The following RBM42 variants were observed in gnomAD, a reference collection of about 807,000 sequenced individuals.
RBM42 encodes the protein RNA-binding protein 42.
A neutral mutation model predicts 41.4 loss-of-function variants in RBM42; 21 were observed. That is an observed-to-expected ratio of 0.51 (90% CI 0.36 to 0.73). RBM42 has a LOEUF of 0.73. Among genes scored for constraint, RBM42 ranks in the 30% least tolerant of loss-of-function variants. RBM42 has a pLI of 0.00. For synonymous variants in RBM42, 272 were observed against 271.2 expected, an observed-to-expected ratio of 1.00 and a Z score of -0.03; for missense variants, 539 against 680.4, an observed-to-expected ratio of 0.79 and a Z score of 2.31.
At position 35,637,588 on chromosome 19, in the gene RBM42, G is replaced by C; in HGVS notation, c.*34G>C. ...GCCAGGCACCCGCTCCCACCTGGCC[G>C]GGCGCTGGCTCCTCCCTCAGTTCTC... On this transcript the variant is annotated 3_prime_UTR_variant, in exon 10 of 10. Transcript: ENST00000262633. This position sits in a 1 kb window ranked among gnomAD's most constrained non-coding sequence, Gnocchi z 7.0. The C allele has an allele frequency of 6.5e-7, 1 of 1,539,898 alleles. No individual in the cohort carries two copies. The highest frequency in any genetic ancestry group is 8.9e-7 in the Non-Finnish European group (1 of 1,117,592).
chr19:35,634,690 A>G (rs1473130351), intron 8 of RBM42, among the ~76,000 whole-genome samples: 10 of 139,800 alleles, frequency 7.2e-5, no homozygotes, highest in South Asian at 4.5e-4. Context: ...ACAGAGTACC[A>G]CTCTGTCGCC....
At chr19:35,635,100 A>C (rs1038629597) in intron 8 of RBM42, among the ~76,000 whole-genome samples, 2 of 151,854 alleles carry the variant, frequency 1.3e-5, no homozygotes, top group South Asian at 4.2e-4. Context: ...GGATCACTTG[A>C]GGTCAGGAGT....
In RBM42 at chr19:35,637,518, GA is replaced by G; in HGVS notation, c.1409del (p.Lys470SerfsTer10). The G allele has an allele frequency of 6.2e-7, 1 of 1,614,242 alleles. No individual in the cohort carries two copies. The highest frequency in any genetic ancestry group is 8.5e-7 in the Non-Finnish European group (1 of 1,180,046). ...KDRNLDVVRK[K>X]QKEKKKLGLR The stretch of plus-strand genomic sequence containing the variant: ...ACCGGAATCTGGACGTGGTCCGCAA[GA>G]AGCAGAAGGAAAAGAAGAAGCTGGG... On this transcript the variant is annotated frameshift_variant, in exon 10 of 10. Transcript: ENST00000262633. LOFTEE classifies it high-confidence loss of function. This position sits in a 1 kb window ranked among gnomAD's most constrained non-coding sequence, Gnocchi z 7.0.
intron 8 of RBM42, among the ~76,000 whole-genome samples, chr19:35,635,265 G>A (rs981231223): frequency 2.0e-5 from 3 of 146,672 alleles, no homozygotes; most frequent in African/African-American, 5.1e-5. Flanking sequence ...GCAGTGAGCC[G>A]AGATCAGGCC....
Position 35,633,977 on chromosome 19 carries a change from GC to G in RBM42, c.980del (p.Pro327LeufsTer30). The G allele has an allele frequency of 2.0e-6, 3 of 1,536,308 alleles. No individual in the cohort carries two copies. The highest frequency in any genetic ancestry group is 2.6e-6 in the Non-Finnish European group (3 of 1,147,070). On this transcript the variant is annotated frameshift_variant, in exon 7 of 10. Coordinates refer to ENST00000262633, the MANE Select transcript of RBM42 (RefSeq NM_024321.5). LOFTEE classifies it high-confidence loss of function. The part of the protein sequence containing the change: ...ELLSLRPRPR[P>X]PRPEPPPGLM... ...TCCTGTCCCTGCGTCCTCGGCCCCGGCCCCCTCGGCCAGAGCCACCCCCAGG... is the reference window on the plus strand; with the variant it reads ...TCCTGTCCCTGCGTCCTCGGCCCCGGCCCCTCGGCCAGAGCCACCCCCAGG...
At chr19:35,631,672 T>A (rs1967409481) in intron 4 of RBM42, 1 of 525,154 alleles carries the variant, frequency 1.9e-6, no homozygotes, top group Non-Finnish European at 3.4e-6. Flanking sequence ...TATAATTTCT[T>A]ATTTACTATG....
rs1599609288 is a variant in RBM42, at chr19:35,637,074, TC to T, written c.1136-82del. ...GGTCCCTAGGCAGAGACTAGATACC[TC>T]CGAAAAGGTGGGATCGTTCAGACAA... is the stretch of plus-strand genomic sequence containing the variant. On this transcript the variant is annotated intron_variant, in intron 8 of 9. Transcript: ENST00000262633. The surrounding 1 kb of genome is among the most constrained non-coding windows in gnomAD (Gnocchi z 7.0). The T allele has an allele frequency of 7.7e-7, 1 of 1,291,760 alleles. No individual in the cohort carries two copies. The highest frequency in any genetic ancestry group is 2.5e-5 in the East Asian group (1 of 39,494). 80.0% of individuals were successfully genotyped at this position (1,291,760 alleles called of 1,614,324 possible).
In RBM42 at chr19:35,633,196, A is replaced by T; in HGVS notation, c.628A>T (p.Met210Leu). ...TGGACCACCCATGATGCTGCCACCA[A>T]TGGCTCGGGCTCCAGGGCCCCCGCT... ...PPGPPMMLPPMARAPGPPLGS... is the reference protein window; with the variant it reads ...PPGPPMMLPPLARAPGPPLGS... The change falls in exon 6 of 10, where the codon ATG becomes TTG. Residue 210 changes from methionine to leucine, a missense_variant. Around this residue, in one of 2 missense-constraint regions of RBM42, gnomAD observed 429 missense variants for 488.9 expected, o/e 0.88. Transcript: ENST00000262633. 1 of 1,612,030 alleles carries T rather than the reference A, an allele frequency of 6.2e-7. No homozygotes were observed. The highest frequency in any genetic ancestry group is 1.1e-5 in the South Asian group (1 of 90,916).
rs1225945442 is a variant in RBM42, at chr19:35,633,053, AACTCCCC to A, written c.509-20_509-14del. On this transcript the variant is annotated splice_polypyrimidine_tract_variant and intron_variant, in intron 5 of 9. Coordinates refer to ENST00000262633, the MANE Select transcript of RBM42 (RefSeq NM_024321.5). Reference sequence around the variant, plus strand: ...CCACATAACTCCCCCCAGGCCCTGGAACTCCCCACTAACACCCTGACAGATTCCGCTC... The same window carrying A: ...CCACATAACTCCCCCCAGGCCCTGGAACTAACACCCTGACAGATTCCGCTC... 6.2e-7 allele frequency: 1 copy of A among 1,609,424 alleles called. No homozygotes were observed. The highest frequency in any genetic ancestry group is 2.2e-5 in the East Asian group (1 of 44,626).
chr19:35,632,793 C>A (rs1967427600), intron 4 of RBM42, 143 bp from the exon 5 acceptor site: 2 of 618,226 alleles, frequency 3.2e-6, no homozygotes, highest in Non-Finnish European at 5.8e-6. Context: ...GAGAGGCCCC[C>A]ACATCTCCAG....
At chr19:35,636,985 C>G (rs1967509010) in intron 8 of RBM42, among the ~76,000 whole-genome samples, 173 bp from the exon 9 acceptor site, 1 of 151,988 alleles carries the variant, frequency 6.6e-6, no homozygotes, top group Admixed American at 6.6e-5. Flanking sequence ...AATGGAAACA[C>G]CCCTCCAGGT....
Position 35,633,823 on chromosome 19 carries a change from C to T in RBM42, c.821C>T (p.Pro274Leu). The T allele has an allele frequency of 6.6e-7, 1 of 1,521,988 alleles. No individual in the cohort carries two copies. The highest frequency in any genetic ancestry group is 8.8e-7 in the Non-Finnish European group (1 of 1,142,096). The allele number at this position is 1,521,988 out of a possible 1,614,324, so 94.3% of individuals were successfully genotyped here. The change falls in exon 7 of 10, where the codon CCA becomes CTA. Residue 274 changes from proline (P) to leucine (L), a missense_variant. Coordinates refer to ENST00000262633, the MANE Select transcript of RBM42 (RefSeq NM_024321.5). ...AAVAVGAGGA[P>L]AGPAVIGPSL... is the part of the protein sequence containing the mutation. Reference sequence around the variant, plus strand: ...GTGGCCGTGGGGGCAGGAGGTGCCCCAGCTGGCCCTGCAGTCATTGGGCCC... The same window carrying T: ...GTGGCCGTGGGGGCAGGAGGTGCCCTAGCTGGCCCTGCAGTCATTGGGCCC...
chr19:35,634,242 C>A lies in RBM42; in HGVS notation c.1018-14C>A. 6.2e-7 allele frequency: 1 copy of A among 1,612,584 alleles called. No homozygotes were observed. The highest frequency in any genetic ancestry group is 1.1e-5 in the South Asian group (1 of 90,926). On this transcript the variant is annotated splice_polypyrimidine_tract_variant and intron_variant, in intron 7 of 9. Transcript: ENST00000262633. ...AATACCAACCCCTTTGCACCTCTCC[C>A]CTTTCCTCTGCAGGTCCCAGAGCCC... is the stretch of plus-strand genomic sequence containing the variant.
Position 35,634,130 on chromosome 19 carries a change from G to A in RBM42, c.1017+111G>A, listed in dbSNP as rs548260001. ...GCAGGAGGACCTGGGGGAGGGAGGC[G>A]GACACATGTGCCCCACATCCAGAAG... On this transcript the variant is annotated intron_variant, in intron 7 of 9. Coordinates refer to ENST00000262633, the MANE Select transcript of RBM42 (RefSeq NM_024321.5). 3.3e-5 allele frequency: 51 copies of A among 1,526,306 alleles called. No homozygotes were observed. In the African/African-American group the frequency reaches 5.1e-4, roughly 15 times the overall value. The allele number at this position is 1,526,306 out of a possible 1,614,324, so 94.5% of individuals were successfully genotyped here. A position where few individuals can be genotyped will look rare whatever the true frequency, so the allele number is the denominator to read the frequency against.
chr19:35,630,187 G>C (rs1348628652), intron 2 of RBM42, among the ~76,000 whole-genome samples: 1 of 152,092 alleles, frequency 6.6e-6, no homozygotes, highest in Non-Finnish European at 1.5e-5. Flanking sequence ...GGTGGCACGT[G>C]CCTGTAGTCC....
At chr19:35,635,560 C>T (rs1967483156) in intron 8 of RBM42, among the ~76,000 whole-genome samples, 1 of 150,912 alleles carries the variant, frequency 6.6e-6, no homozygotes, top group Admixed American at 6.6e-5. Context: ...CTCCATCGCC[C>T]AGGCTGGAGT....
chr19:35,629,823 C>A, intron 2 of RBM42, 150 bp downstream of exon 2: 1 of 803,868 alleles, frequency 1.2e-6, no homozygotes. Context: ...ACAGTAATGA[C>A]TGAGAGAGAC....
rs1568334951 is a variant in RBM42 at position 35,634,279 on chromosome 19, CAAG to C, written c.1048_1050del (p.Lys350del). 1.2e-6 allele frequency: 2 copies of C among 1,614,214 alleles called. No homozygotes were observed. Among genetic ancestry groups the C allele is most frequent in the East Asian group, 2.2e-5 (1 of 44,874 alleles). On this transcript the variant is annotated inframe_deletion, in exon 8 of 10. Coordinates refer to ENST00000262633, the MANE Select transcript of RBM42 (RefSeq NM_024321.5). ...AGGTCCCAGAGCCCCTGGGTGAAGA[CAAG>C]AAGAAGGGGAAGCCAGAGAAATTGA...
At position 35,634,240 on chromosome 19, in the gene RBM42, C is replaced by G; in HGVS notation, c.1018-16C>G. On this transcript the variant is annotated splice_polypyrimidine_tract_variant and intron_variant, in intron 7 of 9. Transcript: ENST00000262633. ...CCAATACCAACCCCTTTGCACCTCT[C>G]CCCTTTCCTCTGCAGGTCCCAGAGC... 1 of 1,611,872 alleles carries G rather than the reference C, an allele frequency of 6.2e-7. No homozygotes were observed. The highest frequency in any genetic ancestry group is 8.5e-7 in the Non-Finnish European group (1 of 1,178,054).
Sources: gnomAD v4.1 joint callset for allele counts (sites outside exome capture counted in the v4.1 genomes callset) on GRCh38, gnomAD v4.1.1 for gene constraint, gnomAD v4.1.1 regional missense constraint, Gnocchi (gnomAD v3.1) non-coding constraint, MANE v1.5 for transcripts, NCBI Gene and HGNC (gene_info 2026-07-23, HGNC 2026-07-21) for gene names.